The following OSBPL9 variants were observed in gnomAD, a reference collection of about 807,000 sequenced individuals.
OSBPL9 encodes the protein oxysterol-binding protein-related protein 9.
In OSBPL9, 40 loss-of-function variants were observed where a neutral mutation model predicts 106.6. That is an observed-to-expected ratio of 0.38 (90% CI 0.29 to 0.49). The LOEUF (loss-of-function observed/expected upper bound fraction) is 0.49, where lower values mean the gene tolerates loss of function less well. Among genes scored for constraint, OSBPL9 ranks in the 20% least tolerant of loss-of-function variants. The pLI is 0.97. For synonymous variants in OSBPL9, 269 were observed against 295.4 expected, an observed-to-expected ratio of 0.91 and a Z score of 0.92; for missense variants, 609 against 887.2, an observed-to-expected ratio of 0.69 and a Z score of 3.98.
At chr1:51,619,469 C>G (rs1330493301) in intron 1 of OSBPL9, among the ~76,000 whole-genome samples, 2 of 152,190 alleles carry the variant, frequency 1.3e-5, no homozygotes, top group Non-Finnish European at 2.9e-5. Context: ...TTTTCCCCCT[C>G]AATGCTTATC....
intron 3 of OSBPL9, among the ~76,000 whole-genome samples, chr1:51,688,331 T>C (rs1331931836): frequency 6.6e-6 from 1 of 152,200 alleles, no homozygotes; most frequent in Non-Finnish European, 1.5e-5. Context: ...TTTTTTGGCA[T>C]GTCATCAAGA....
At chr1:51,769,687 CTG>C (rs899568410) in intron 12 of OSBPL9, among the ~76,000 whole-genome samples, 2 of 152,100 alleles carry the variant, frequency 1.3e-5, no homozygotes, top group African/African-American at 4.8e-5. Context: ...TTGTTTTTAA[CTG>C]TTTTCTTTAT....
chr1:51,755,091 CTCTT>C (rs796470928), intron 8 of OSBPL9, among the ~76,000 whole-genome samples: 5 of 152,184 alleles, frequency 3.3e-5, no homozygotes, highest in African/African-American at 9.6e-5. Context: ...ACAGGCATGA[CTCTT>C]TCTCTTTTTG....
intron 3 of OSBPL9, among the ~76,000 whole-genome samples, chr1:51,695,298 C>T (rs956310890): frequency 1.3e-5 from 2 of 152,162 alleles, no homozygotes; most frequent in Admixed American, 6.6e-5. Context: ...GATTTGTGCT[C>T]GTGTGCCAGC....
chr1:51,563,124 C>A, the OSBPL9 span, among the ~76,000 whole-genome samples: 2 of 152,128 alleles, frequency 1.3e-5, no homozygotes, highest in Non-Finnish European at 2.9e-5. Flanking sequence ...GCATGAGAAT[C>A]TCTTGAGCCC....
At chr1:51,664,828 C>T (rs553954638) in intron 2 of OSBPL9, among the ~76,000 whole-genome samples, 1 of 152,154 alleles carries the variant, frequency 6.6e-6, no homozygotes, top group Non-Finnish European at 1.5e-5. Flanking sequence ...CTTTTCTGTT[C>T]ATTGAGCTGT....
At chr1:51,560,778 G>A in the OSBPL9 span, 1 of 152,186 alleles carries the variant, frequency 6.6e-6, no homozygotes, top group Non-Finnish European at 1.5e-5. Context: ...AGGGAAGCTG[G>A]GTCAGGACTT....
At chr1:51,653,491 T>C (rs1646643862) in intron 2 of OSBPL9, among the ~76,000 whole-genome samples, 1 of 152,224 alleles carries the variant, frequency 6.6e-6, no homozygotes, top group Admixed American at 6.5e-5. Context: ...TTAACCCTTC[T>C]AACTACCACC....
intron 3 of OSBPL9, among the ~76,000 whole-genome samples, chr1:51,672,162 G>A (rs1342073800): frequency 2.6e-5 from 4 of 152,280 alleles, no homozygotes; most frequent in East Asian, 1.9e-4. Flanking sequence ...GTTTTAACAG[G>A]ATGACTCTGG....
intron 3 of OSBPL9, among the ~76,000 whole-genome samples, chr1:51,698,063 G>A (rs1039250359): frequency 6.6e-6 from 1 of 152,050 alleles, no homozygotes; most frequent in Non-Finnish European, 1.5e-5. Flanking sequence ...TTATAAGGCC[G>A]AGGTACTGTT....
In OSBPL9 at chr1:51,624,862, T is replaced by G. The variant is rs150895608; in HGVS notation, c.111+7641T>G. Reference sequence around the variant, plus strand: ...TACATTCTTTATCTGTACAGCAAGCTTGTAAACTCCATGATGGCAGTACTG... The same window carrying G: ...TACATTCTTTATCTGTACAGCAAGCGTGTAAACTCCATGATGGCAGTACTG... On this transcript the variant is annotated intron_variant, in intron 1 of 23. Transcript: ENST00000428468. Among the ~76,000 whole-genome samples, 358 of 152,324 alleles carry G rather than the reference T, an allele frequency of 2.4e-3. 1 individual carries two copies. The highest frequency in any genetic ancestry group is 8.2e-3 in the African/African-American group (343 of 41,580).
At chr1:51,728,213 G>A (rs1211646475) in intron 4 of OSBPL9, among the ~76,000 whole-genome samples, 3 of 152,206 alleles carry the variant, frequency 2.0e-5, no homozygotes, top group Admixed American at 6.5e-5. Flanking sequence ...ACAACTCAGT[G>A]GAAAGCAGTT....
chr1:51,530,193 C>CAAAAAAAAAAAAAAAAAAAAAAAA, the OSBPL9 span, among the ~76,000 whole-genome samples: 5 of 55,636 alleles, frequency 9.0e-5, 1 homozygote, highest in African/African-American at 2.5e-4. Flanking sequence ...AAAAAAAAAA[C>CAAAAAAAAAAAAAAAAAAAAAAAA]AAAAAAAAAA....
chr1:51,651,044 C>A (rs756276868), intron 1 of OSBPL9, among the ~76,000 whole-genome samples: 41 of 152,176 alleles, frequency 2.7e-4, no homozygotes, highest in Non-Finnish European at 4.3e-4. Context: ...TGAAGTAAAC[C>A]AGCAATTATA....
chr1:51,598,383 G>A (rs1201629983), intron 2 of OSBPL9, among the ~76,000 whole-genome samples: 2 of 152,262 alleles, frequency 1.3e-5, no homozygotes, highest in African/African-American at 4.8e-5. Flanking sequence ...TTTGGATTTA[G>A]TTCCTCTGGG....
At chr1:51,531,532 T>G in the OSBPL9 span, among the ~76,000 whole-genome samples, 2 of 152,216 alleles carry the variant, frequency 1.3e-5, no homozygotes, top group African/African-American at 4.8e-5. Context: ...TCACGGATGA[T>G]GCCAGGGATT....
chr1:51,659,714 A>T (rs1013625518), intron 2 of OSBPL9, among the ~76,000 whole-genome samples: 54 of 152,132 alleles, frequency 3.5e-4, no homozygotes, highest in Admixed American at 2.0e-3. Flanking sequence ...AGTAGAGATG[A>T]AAAATTGTCA....
At chr1:51,636,278 A>C (rs1461601713) in intron 1 of OSBPL9, among the ~76,000 whole-genome samples, 1 of 146,156 alleles carries the variant, frequency 6.8e-6, no homozygotes, top group African/African-American at 2.5e-5. Flanking sequence ...CTTCCACCTC[A>C]GCCTCCCCAG....
At chr1:51,675,314 G>A (rs1650911350) in intron 3 of OSBPL9, among the ~76,000 whole-genome samples, 1 of 152,010 alleles carries the variant, frequency 6.6e-6, no homozygotes, top group Admixed American at 6.6e-5. Flanking sequence ...TTTGCCCATT[G>A]TTGTCAGATC....
Sources: gnomAD v4.1 joint callset for allele counts (sites outside exome capture counted in the v4.1 genomes callset) on GRCh38, gnomAD v4.1.1 for gene constraint, MANE v1.5 for transcripts, NCBI Gene and HGNC (gene_info 2026-07-23, HGNC 2026-07-21) for gene names.